The following IQCB1 variants were observed in gnomAD, a reference collection of about 807,000 sequenced individuals.
IQCB1 encodes the protein IQ calmodulin-binding motif-containing protein 1.
Under a neutral mutation model 84.4 loss-of-function variants are expected in IQCB1, and 56 were observed. The observed-to-expected ratio is 0.66, with a 90% CI of 0.54 to 0.83. IQCB1 has a LOEUF of 0.83. Ranked by LOEUF, IQCB1 falls within the 40% of genes least tolerant of loss-of-function variation. The pLI is 0.00. For missense variants in IQCB1, 629 were observed against 682.1 expected, an observed-to-expected ratio of 0.92 and a Z score of 0.87; for synonymous variants, 210 against 234.8, an observed-to-expected ratio of 0.89 and a Z score of 0.96.
Position 121,779,113 on chromosome 3 carries a change from C to T in IQCB1, c.1410+2630G>A, listed in dbSNP as rs562446438. Among the ~76,000 whole-genome samples, 33 of 151,916 alleles carry T rather than the reference C, an allele frequency of 2.2e-4. No individual in the cohort carries two copies. The South Asian group carries it at 6.0e-3, about 28-fold the overall frequency. On this transcript the variant is annotated intron_variant, in intron 13 of 14. Transcript: ENST00000310864. ...AATTTTTTTTTGTTTTTAAGATTTT[C>T]ACTGTATCACTGGTTTGACAATTTT...
intron 8 of IQCB1, among the ~76,000 whole-genome samples, chr3:121,797,435 T>C (rs547204529): frequency 8.7e-6 from 1 of 115,090 alleles, no homozygotes; most frequent in East Asian, 2.6e-4. Flanking sequence ...TCTTACGTGC[T>C]CAATTGTGGT....
intron 5 of IQCB1, among the ~76,000 whole-genome samples, chr3:121,812,244 C>G (rs1433083431): frequency 6.6e-6 from 1 of 152,120 alleles, no homozygotes; most frequent in Non-Finnish European, 1.5e-5. Context: ...AAAAAGGACA[C>G]CCACACAAAA....
intron 13 of IQCB1, among the ~76,000 whole-genome samples, chr3:121,779,310 C>T (rs1366877012): frequency 6.6e-6 from 1 of 152,084 alleles, no homozygotes. Flanking sequence ...CAGTAATGGT[C>T]TTTTCAAATA....
intron 4 of IQCB1, among the ~76,000 whole-genome samples, chr3:121,826,745 T>A (rs912112285): frequency 4.6e-5 from 7 of 152,014 alleles, no homozygotes; most frequent in African/African-American, 9.7e-5. Context: ...ACAATATACA[T>A]TAGAGGAGAG....
chr3:121,804,646 C>T (rs1949538845), intron 7 of IQCB1, among the ~76,000 whole-genome samples: 1 of 152,000 alleles, frequency 6.6e-6, no homozygotes, highest in African/African-American at 2.4e-5. Context: ...AGATTTTTCT[C>T]TTTATCACTG....
At chr3:121,790,804 T>G (rs1948936165) in intron 10 of IQCB1, among the ~76,000 whole-genome samples, 1 of 152,078 alleles carries the variant, frequency 6.6e-6, no homozygotes, top group Non-Finnish European at 1.5e-5. Context: ...ATAAAAAACA[T>G]TAAAATTTCA....
intron 12 of IQCB1, among the ~76,000 whole-genome samples, chr3:121,783,275 A>G (rs1948579734): frequency 6.6e-6 from 1 of 152,096 alleles, no homozygotes; most frequent in Non-Finnish European, 1.5e-5. Flanking sequence ...TTCTTTTGAT[A>G]TTTAGCTCCA....
At chr3:121,793,435 G>T (rs1008076341) in intron 10 of IQCB1, among the ~76,000 whole-genome samples, 2 of 152,002 alleles carry the variant, frequency 1.3e-5, no homozygotes, top group Non-Finnish European at 2.9e-5. Flanking sequence ...CAAAACCATG[G>T]GAAGGGGAAA....
chr3:121,826,005 T>C (rs1326857940), intron 5 of IQCB1, 46 bp downstream of exon 5: 1 of 1,529,122 alleles, frequency 6.5e-7, no homozygotes, highest in East Asian at 2.3e-5. Context: ...AACAGCTTCT[T>C]AAGAATTAAA....
intron 5 of IQCB1, among the ~76,000 whole-genome samples, chr3:121,821,622 G>T (rs1490271622): frequency 6.6e-6 from 1 of 152,160 alleles, no homozygotes; most frequent in East Asian, 1.9e-4. Flanking sequence ...AAACAAATAG[G>T]TGCAGCTGTG....
intron 13 of IQCB1, 144 bp from the exon 14 acceptor site, chr3:121,772,857 T>C (rs964989293): frequency 3.3e-5 from 25 of 759,530 alleles, no homozygotes; most frequent in Middle Eastern, 7.3e-4. Context: ...TGTACTCTTA[T>C]GCAAGTATTA....
At chr3:121,819,980 C>T (rs1405903505) in intron 5 of IQCB1, among the ~76,000 whole-genome samples, 3 of 152,020 alleles carry the variant, frequency 2.0e-5, no homozygotes, top group Non-Finnish European at 4.4e-5. Flanking sequence ...ATTAGAAATT[C>T]TTGGTATGTA....
intron 14 of IQCB1, among the ~76,000 whole-genome samples, chr3:121,771,510 G>T (rs1038721490): frequency 2.0e-5 from 3 of 151,702 alleles, no homozygotes; most frequent in African/African-American, 7.3e-5. Context: ...TGTATTTTCA[G>T]TAGAGATGGG....
At chr3:121,798,273 G>A (rs9882312) in intron 8 of IQCB1, among the ~76,000 whole-genome samples, 24,571 of 151,738 alleles carry the variant, frequency 0.16, 2,645 homozygotes, top group East Asian at 0.63. Flanking sequence ...GAATGATAAA[G>A]ACCTTTCTAG....
At chr3:121,829,781 T>G (rs1199559058) in intron 2 of IQCB1, among the ~76,000 whole-genome samples, 1 of 152,240 alleles carries the variant, frequency 6.6e-6, no homozygotes, top group Admixed American at 6.5e-5. Context: ...CCCTTCACTG[T>G]AATAAATCAT....
chr3:121,810,769 C>A (rs562167775), intron 5 of IQCB1, among the ~76,000 whole-genome samples: 1 of 152,148 alleles, frequency 6.6e-6, no homozygotes, highest in East Asian at 1.9e-4. Context: ...TGCTATAGAA[C>A]CTAGAGTTAG....
intron 12 of IQCB1, among the ~76,000 whole-genome samples, chr3:121,786,202 A>AGAGAAGAGAAGAG (rs1559760960): frequency 3.4e-5 from 5 of 146,204 alleles, no homozygotes; most frequent in African/African-American, 1.3e-4. Context: ...AAAGAAAAGA[A>AGAGAAGAGAAGAG]AAGAAAAGAA....
chr3:121,825,554 C>G (rs1950438202), intron 5 of IQCB1, among the ~76,000 whole-genome samples: 1 of 152,084 alleles, frequency 6.6e-6, no homozygotes, highest in Admixed American at 6.5e-5. Context: ...CAACACACTT[C>G]TAAATCCCTG....
intron 10 of IQCB1, among the ~76,000 whole-genome samples, chr3:121,794,899 A>C (rs1406858030): frequency 2.6e-5 from 4 of 152,116 alleles, no homozygotes; most frequent in Admixed American, 2.0e-4. Context: ...TCTTTACCAT[A>C]AATTACCTAG....
Sources: allele counts gnomAD v4.1 joint callset (sites outside exome capture counted in the v4.1 genomes callset), GRCh38; gene constraint gnomAD v4.1.1; transcripts MANE v1.5; gene names NCBI Gene and HGNC (gene_info 2026-07-23, HGNC 2026-07-21).